BTBD7: variants seen among roughly 807,000 people sequenced by gnomAD.
BTBD7 encodes BTB/POZ domain-containing protein 7.
BTBD7 carries 38 observed loss-of-function variants against 99.9 expected under a neutral mutation model. The observed-to-expected ratio is 0.38, with a 90% CI of 0.29 to 0.50. The LOEUF (loss-of-function observed/expected upper bound fraction) is 0.50. Among genes scored for constraint, BTBD7 ranks in the 20% least tolerant of loss-of-function variants. The probability of loss-of-function intolerance (pLI) is 0.93; values close to 1 mark genes in which losing one functional copy is unlikely to be tolerated. For missense variants in BTBD7, 1,170 were observed against 1,394.6 expected (o/e 0.84, Z 2.57); for synonymous variants, 520 against 511.4 (o/e 1.02, Z -0.23).
intron 3 of BTBD7, among the ~76,000 whole-genome samples, chr14:93,280,422 T>C (rs1003832588): frequency 2.0e-5 from 3 of 151,882 alleles, no homozygotes; most frequent in Non-Finnish European, 2.9e-5. Context: ...AAGGCTATTA[T>C]GGTTGAAGAT....
intron 3 of BTBD7, among the ~76,000 whole-genome samples, chr14:93,277,272 T>C (rs1461555474): frequency 6.6e-6 from 1 of 152,164 alleles, no homozygotes; most frequent in African/African-American, 2.4e-5. Context: ...CATAAATTAG[T>C]GTTATCTAAT....
intron 6 of BTBD7, 117 bp downstream of exon 6, chr14:93,257,078 T>G: frequency 9.8e-7 from 1 of 1,015,850 alleles, no homozygotes; most frequent in Non-Finnish European, 1.4e-6. Flanking sequence ...GTCTCTGTCC[T>G]CACAGAATTA....
Position 93,245,494 on chromosome 14 carries a change from G to A in BTBD7, c.2583+331C>T, listed in dbSNP as rs117687405. Among the ~76,000 whole-genome samples the A allele has an allele frequency of 2.1e-3, 314 of 152,336 alleles. 5 individuals are homozygous for A. In the East Asian group the frequency reaches 0.022, roughly 11 times the overall value. On this transcript the variant is annotated intron_variant, in intron 10 of 10. Transcript: ENST00000334746. ...GAATAGTAGAAGTTAGGGACAAATT[G>A]TAGACCTGTGCTTGAACAGAACATG...
In BTBD7 at chr14:93,242,396, T is replaced by C; in HGVS notation, c.3276A>G (p.Ala1092=). The C allele has an allele frequency of 6.2e-7, 1 of 1,614,234 alleles. No homozygotes were observed. Among genetic ancestry groups the C allele is most frequent in the Non-Finnish European group, 8.5e-7 (1 of 1,180,036 alleles). The stretch of plus-strand genomic sequence containing the variant: ...CTCCATGGCCCAGGGACTCACTGTC[T>C]GCCAGTCTTCTACCGGATCTCTCTT... ...APEERSGRRL[A]DSESLGHGAQ... Residue 1092 remains alanine, a synonymous_variant, in exon 11 of 11, where the codon GCA becomes GCG. Transcript: ENST00000334746.
At chr14:93,251,409 C>T in intron 8 of BTBD7, 54 bp downstream of exon 8, 1 of 1,491,356 alleles carries the variant, frequency 6.7e-7, no homozygotes, top group Non-Finnish European at 9.0e-7. Context: ...TCAGCAATTT[C>T]AAAAAAACAA....
chr14:93,326,329 T>G (rs1224558035), intron 1 of BTBD7, among the ~76,000 whole-genome samples: 1 of 151,984 alleles, frequency 6.6e-6, no homozygotes, highest in Non-Finnish European at 1.5e-5. Context: ...TAGCCAGGCA[T>G]AGTGGCACAT....
At chr14:93,303,146 T>C (rs2053025254) in intron 1 of BTBD7, among the ~76,000 whole-genome samples, 1 of 152,234 alleles carries the variant, frequency 6.6e-6, no homozygotes, top group Non-Finnish European at 1.5e-5. Flanking sequence ...GAAAGACTAC[T>C]GGAAGATGCT....
intron 3 of BTBD7, among the ~76,000 whole-genome samples, chr14:93,284,830 G>A (rs748346888): frequency 2.0e-5 from 3 of 152,006 alleles, no homozygotes; most frequent in Non-Finnish European, 4.4e-5. Flanking sequence ...AATGATCAAA[G>A]GCAAAATACC....
chr14:93,257,314 T>A lies in BTBD7; in HGVS notation c.1489A>T (p.Arg497Ter). ...LSGTAHSVNK[R>*]GVKRRDLDME... ...TCCAGGTCCCGTCTTTTTACACCTC[T>A]TTTGTTCACACTATGGGCAGTGCCA... Residue 497 changes from arginine (R) to a stop codon, truncating the protein, a stop_gained, in exon 6 of 11, where the codon AGA becomes TGA. Transcript: ENST00000334746. LOFTEE classifies it high-confidence loss of function. The A allele has an allele frequency of 6.2e-7, 1 of 1,614,032 alleles. No individual in the cohort carries two copies. Among genetic ancestry groups the A allele is most frequent in the Non-Finnish European group, 8.5e-7 (1 of 1,179,974 alleles).
At chr14:93,299,446 A>G (rs939489321) in intron 1 of BTBD7, among the ~76,000 whole-genome samples, 1 of 152,190 alleles carries the variant, frequency 6.6e-6, no homozygotes, top group African/African-American at 2.4e-5. Flanking sequence ...CAATCTTTGT[A>G]TGATGCAACG....
chr14:93,279,714 A>AT (rs1273058720), intron 3 of BTBD7, among the ~76,000 whole-genome samples: 1 of 152,060 alleles, frequency 6.6e-6, no homozygotes, highest in African/African-American at 2.4e-5. Flanking sequence ...CGTCCAGCTA[A>AT]TTTTTGTATT....
chr14:93,278,365 G>A (rs1339709883), intron 3 of BTBD7, among the ~76,000 whole-genome samples: 5 of 152,170 alleles, frequency 3.3e-5, no homozygotes, highest in African/African-American at 1.2e-4. Flanking sequence ...AGTGAGCTGA[G>A]ATTGCACCAC....
At chr14:93,329,595 T>C (rs76575495) in intron 1 of BTBD7, among the ~76,000 whole-genome samples, 11,971 of 152,226 alleles carry the variant, frequency 0.079, 1,005 homozygotes, top group African/African-American at 0.21. Flanking sequence ...TAACATACAA[T>C]GGAATATTAT....
At position 93,318,788 on chromosome 14, in the gene BTBD7, C is replaced by T. The variant is rs375843431; in HGVS notation, c.-107+14032G>A. ...ATACACTTCAATTTCCATACTCACT[C>T]TGTAAGAGCAATGAATTAAAATTTC... is the stretch of plus-strand genomic sequence containing the variant. On this transcript the variant is annotated intron_variant, in intron 1 of 10. Transcript: ENST00000334746. Among the ~76,000 whole-genome samples, 8 of 152,268 alleles carry T rather than the reference C, an allele frequency of 5.3e-5. No individual in the cohort carries two copies. The East Asian group carries it at 7.7e-4, about 15-fold the overall frequency.
chr14:93,293,337 T>G (rs2052881376), intron 3 of BTBD7, among the ~76,000 whole-genome samples: 1 of 152,248 alleles, frequency 6.6e-6, no homozygotes, highest in South Asian at 2.1e-4. Context: ...TGTGGCTTGA[T>G]GTACAAGTTG....
At position 93,263,814 on chromosome 14, in the gene BTBD7, G is replaced by C; in HGVS notation, c.1342C>G (p.Leu448Val). 6.2e-7 allele frequency: 1 copy of C among 1,614,130 alleles called. No individual in the cohort carries two copies. Among genetic ancestry groups the C allele is most frequent in the East Asian group, 2.2e-5 (1 of 44,872 alleles). ...AGGTAGTCAGACTGGATAGCAGTAAGCAGATGGTCTTTGCTGAGTTCATAA... is the reference window on the plus strand; with the variant it reads ...AGGTAGTCAGACTGGATAGCAGTAACCAGATGGTCTTTGCTGAGTTCATAA... ...VFYELSKDHL[L>V]TAIQSDYLQA... The change falls in exon 4 of 11, where the codon CTT becomes GTT. Residue 448 changes from leucine to valine, a missense_variant. Leu to Val is a conservative substitution (Grantham distance 32). Coordinates refer to ENST00000334746, the MANE Select transcript of BTBD7 (RefSeq NM_001002860.4).
At chr14:93,323,245 A>T (rs1173220878) in intron 1 of BTBD7, among the ~76,000 whole-genome samples, 1 of 152,216 alleles carries the variant, frequency 6.6e-6, no homozygotes, top group Non-Finnish European at 1.5e-5. Context: ...GCGAATAGAA[A>T]AAAAAAATTT....
chr14:93,263,533 C>A (rs2052511611), intron 4 of BTBD7, among the ~76,000 whole-genome samples: 1 of 152,120 alleles, frequency 6.6e-6, no homozygotes, highest in Admixed American at 6.5e-5. Flanking sequence ...TGCCTACTGC[C>A]CCAATCTCTT....
intron 2 of BTBD7, among the ~76,000 whole-genome samples, chr14:93,295,692 A>G (rs895978016): frequency 1.3e-5 from 2 of 152,228 alleles, no homozygotes; most frequent in Non-Finnish European, 2.9e-5. Context: ...GGAAATATGT[A>G]CTTCGCTGTT....
Sources: allele counts gnomAD v4.1 joint callset (sites outside exome capture counted in the v4.1 genomes callset), GRCh38; gene constraint gnomAD v4.1.1; transcripts MANE v1.5; gene names NCBI Gene and HGNC (gene_info 2026-07-23, HGNC 2026-07-21).